The following NFIB variants were observed in gnomAD, a reference collection of about 807,000 sequenced individuals.
The protein encoded by NFIB is nuclear factor I B.
NFIB carries 11 observed loss-of-function variants against 61.5 expected under a neutral mutation model. The ratio of observed to expected loss-of-function variants is 0.18; its 90% CI spans 0.11 to 0.30. The LOEUF is 0.30. Ranked by LOEUF, NFIB falls within the 10% of genes least tolerant of loss-of-function variation. The pLI, the probability that NFIB is intolerant of heterozygous loss-of-function variation, is 1.00. For synonymous variants in NFIB, 260 were observed against 216.5 expected (o/e 1.20, Z -1.76); for missense variants, 471 against 608.9 (o/e 0.77, Z 2.38).
chr9:14,293,485 G>A (rs2059232116), intron 2 of NFIB, among the ~76,000 whole-genome samples: 1 of 152,190 alleles, frequency 6.6e-6, no homozygotes, highest in Non-Finnish European at 1.5e-5. Context: ...GAAGCCCATG[G>A]TGAGGAGGAA....
the NFIB span, among the ~76,000 whole-genome samples, chr9:14,417,606 T>C: frequency 2.6e-5 from 4 of 152,142 alleles, no homozygotes; most frequent in African/African-American, 9.7e-5. Flanking sequence ...ATTAAAGATA[T>C]TGAAGTTTCT....
chr9:14,228,543 A>G (rs973608312), intron 2 of NFIB, among the ~76,000 whole-genome samples: 20 of 152,196 alleles, frequency 1.3e-4, no homozygotes, highest in African/African-American at 4.8e-4. Flanking sequence ...ACCCATTTAC[A>G]AAAGCCACAC....
chr9:14,145,900 G>T (rs1471127023), intron 6 of NFIB, among the ~76,000 whole-genome samples: 1 of 151,734 alleles, frequency 6.6e-6, no homozygotes, highest in East Asian at 1.9e-4. Context: ...CTATTTAAAA[G>T]ACAATTTAAA....
chr9:14,166,287 C>T (rs2044778776), intron 3 of NFIB, among the ~76,000 whole-genome samples: 1 of 152,052 alleles, frequency 6.6e-6, no homozygotes, highest in Non-Finnish European at 1.5e-5. Flanking sequence ...ATTCAAGTAA[C>T]ATTTTTGCAA....
the NFIB span, among the ~76,000 whole-genome samples, chr9:14,517,481 G>C: frequency 6.6e-6 from 1 of 152,192 alleles, no homozygotes; most frequent in African/African-American, 2.4e-5. Flanking sequence ...CTAATAGGCT[G>C]GATAAACCAG....
chr9:14,110,150 G>T (rs758521016), intron 10 of NFIB, among the ~76,000 whole-genome samples: 4 of 151,936 alleles, frequency 2.6e-5, no homozygotes, highest in Non-Finnish European at 5.9e-5. Context: ...GACCAGATTG[G>T]AAACTCCACT....
chr9:14,410,490 G>C, the NFIB span, among the ~76,000 whole-genome samples: 1 of 152,172 alleles, frequency 6.6e-6, no homozygotes, highest in Non-Finnish European at 1.5e-5. Context: ...TTTGGGAAGA[G>C]TTACAGTTCA....
At chr9:14,245,795 C>G (rs1238370808) in intron 2 of NFIB, among the ~76,000 whole-genome samples, 1 of 152,052 alleles carries the variant, frequency 6.6e-6, no homozygotes, top group Non-Finnish European at 1.5e-5. Flanking sequence ...ATCGCTTGAA[C>G]CCGGGAGGCA....
At chr9:14,340,718 G>C (rs1484988223) in intron 1 of NFIB, among the ~76,000 whole-genome samples, 3 of 152,186 alleles carry the variant, frequency 2.0e-5, no homozygotes, top group Non-Finnish European at 2.9e-5. Flanking sequence ...AGAATGATGT[G>C]GTTTGGAATC....
intron 1 of NFIB, among the ~76,000 whole-genome samples, chr9:14,385,979 C>T (rs748156106): frequency 7.9e-5 from 12 of 151,952 alleles, no homozygotes; most frequent in Non-Finnish European, 1.3e-4. Context: ...GACAGGGTTT[C>T]GCCATGTTTT....
chr9:14,154,164 T>C (rs2043142613), intron 4 of NFIB, among the ~76,000 whole-genome samples: 2 of 152,162 alleles, frequency 1.3e-5, no homozygotes, highest in Admixed American at 6.6e-5. Flanking sequence ...ATCTGGGCTT[T>C]TGAAGGTTCT....
At chr9:14,261,217 T>G (rs997677313) in intron 2 of NFIB, among the ~76,000 whole-genome samples, 1 of 152,044 alleles carries the variant, frequency 6.6e-6, no homozygotes, top group Non-Finnish European at 1.5e-5. Context: ...CTCAGGTGGC[T>G]GAGGCAGGAG....
At chr9:14,329,898 C>T (rs572306279) in intron 1 of NFIB, among the ~76,000 whole-genome samples, 4 of 151,710 alleles carry the variant, frequency 2.6e-5, no homozygotes, top group Non-Finnish European at 4.4e-5. Flanking sequence ...CTGAGGCAGG[C>T]GGATCACGAG....
chr9:14,486,006 G>A, the NFIB span, among the ~76,000 whole-genome samples: 2 of 152,276 alleles, frequency 1.3e-5, no homozygotes, highest in Non-Finnish European at 1.5e-5. Flanking sequence ...GTAGAGGAAG[G>A]AAAACAATAG....
chr9:14,129,822 G>A (rs558010022), intron 6 of NFIB, among the ~76,000 whole-genome samples: 2 of 152,220 alleles, frequency 1.3e-5, no homozygotes, highest in South Asian at 4.1e-4. Flanking sequence ...CTTGAATAAT[G>A]CATACATAAT....
Position 14,241,019 on chromosome 9 carries a change from A to C in NFIB, c.563-61239T>G, listed in dbSNP as rs529545084. ...TTTGGTAATTCAGGGTTTCTTCTCT[A>C]CTCTCACAGTAATTCCAATGGGTCT... On this transcript the variant is annotated intron_variant, in intron 2 of 10. Transcript: ENST00000380953. Among the ~76,000 whole-genome samples the C allele has an allele frequency of 2.4e-4, 37 of 152,216 alleles. No individual in the cohort carries two copies. In the East Asian group the frequency reaches 7.0e-3, roughly 29 times the overall value.
intron 2 of NFIB, among the ~76,000 whole-genome samples, chr9:14,216,732 TC>T (rs756440636): frequency 6.6e-6 from 1 of 152,132 alleles, no homozygotes; most frequent in Non-Finnish European, 1.5e-5. Context: ...CCACTTCAAT[TC>T]CATCTTTCTC....
At chr9:14,494,101 T>C in the NFIB span, among the ~76,000 whole-genome samples, 2 of 152,212 alleles carry the variant, frequency 1.3e-5, no homozygotes, top group African/African-American at 2.4e-5. Context: ...ATTTTAAGAG[T>C]TCCTGGTGGG....
chr9:14,131,592 G>A (rs2040415647), intron 6 of NFIB, among the ~76,000 whole-genome samples: 1 of 152,196 alleles, frequency 6.6e-6, no homozygotes. Context: ...GTTCAAGTCA[G>A]CCCAAGGCAA....
Sources: allele counts gnomAD v4.1 joint callset (sites outside exome capture counted in the v4.1 genomes callset), GRCh38; gene constraint gnomAD v4.1.1; transcripts MANE v1.5; gene names NCBI Gene and HGNC (gene_info 2026-07-23, HGNC 2026-07-21).